Variants in COL26A1 observed in about 807,000 individuals in gnomAD.
The protein encoded by COL26A1 is collagen alpha-1(XXVI) chain.
In COL26A1, 41 loss-of-function variants were observed where a neutral mutation model predicts 59.3. The observed-to-expected ratio is 0.69, with a 90% confidence interval of 0.54 to 0.90. COL26A1 has a LOEUF of 0.90. Among genes scored for constraint, COL26A1 ranks in the 40% least tolerant of loss-of-function variants. The pLI is 0.00. For synonymous variants in COL26A1, 266 were observed against 256.0 expected (o/e 1.04, Z -0.37); for missense variants, 612 against 602.3 (o/e 1.02, Z -0.17).
chr7:101,387,208 C>T (rs536781303), intron 1 of COL26A1, among the ~76,000 whole-genome samples: 1 of 151,988 alleles, frequency 6.6e-6, no homozygotes, highest in South Asian at 2.1e-4. Flanking sequence ...GAAACCGGCA[C>T]GAGATGATCT....
At chr7:101,401,475 A>G (rs1006546511) in intron 1 of COL26A1, among the ~76,000 whole-genome samples, 38 of 151,610 alleles carry the variant, frequency 2.5e-4, no homozygotes, top group African/African-American at 9.2e-4. Flanking sequence ...GAGAAGGAGG[A>G]GGAGGAAAAG....
rs3073377 is a variant in COL26A1 at position 101,520,633 on chromosome 7, T to TACACACAC, written c.386-12426_386-12419dup. On this transcript the variant is annotated intron_variant, in intron 3 of 12. Coordinates refer to ENST00000313669, the MANE Select transcript of COL26A1 (RefSeq NM_001278563.3). ...AGGTTGACAGACAAGCACAGACACA[T>TACACACAC]ACACACACACACACACACACACACA... 1.2e-3 allele frequency among the ~76,000 whole-genome samples: 168 copies of TACACACAC among 137,288 alleles called. 2 individuals carry two copies. The highest frequency in any genetic ancestry group is 4.3e-3 in the African/African-American group (135 of 31,704). The allele number at this position is 137,288 out of a possible 152,430, so 90.1% of individuals were successfully genotyped here.
At position 101,545,469 on chromosome 7, in the gene COL26A1, C is replaced by G; in HGVS notation, c.835C>G (p.Gln279Glu). ...CCCCCAGGGCGCCCTCTACTCCCTGCAGCCGCCTACAGACAAAGACAGTGA... is the reference window on the plus strand; with the variant it reads ...CCCCCAGGGCGCCCTCTACTCCCTGGAGCCGCCTACAGACAAAGACAGTGA... The part of the protein sequence containing the change: ...NSPQGALYSL[Q>E]PPTDKDNGDS... The change falls in exon 7 of 13, where the codon CAG becomes GAG. Residue 279 changes from glutamine to glutamate, a missense_variant. Physicochemically the swap from Gln to Glu is conservative, Grantham distance 29 (BLOSUM62 2). Coordinates refer to ENST00000313669, the MANE Select transcript of COL26A1 (RefSeq NM_001278563.3). The G allele has an allele frequency of 2.5e-6, 4 of 1,607,126 alleles. No individual in the cohort carries two copies. Among genetic ancestry groups the G allele is most frequent in the Non-Finnish European group, 3.4e-6 (4 of 1,177,442 alleles).
intron 4 of COL26A1, among the ~76,000 whole-genome samples, chr7:101,538,411 C>T (rs1795529159): frequency 6.6e-6 from 1 of 152,228 alleles, no homozygotes; most frequent in Admixed American, 6.5e-5. Flanking sequence ...CCACTAGGGG[C>T]CCCGGCCTCA....
At chr7:101,488,054 C>T (rs1257463473) in intron 3 of COL26A1, among the ~76,000 whole-genome samples, 1 of 151,620 alleles carries the variant, frequency 6.6e-6, no homozygotes, top group Non-Finnish European at 1.5e-5. Flanking sequence ...AGGCAGATCA[C>T]GTGAGGTCAG....
At chr7:101,394,639 T>G (rs566745786) in intron 1 of COL26A1, among the ~76,000 whole-genome samples, 2 of 142,196 alleles carry the variant, frequency 1.4e-5, no homozygotes, top group South Asian at 4.6e-4. Context: ...CTCAGGCTGG[T>G]CTTGAACTCC....
intron 10 of COL26A1, among the ~76,000 whole-genome samples, chr7:101,551,671 C>T (rs1000554673): frequency 6.6e-6 from 1 of 151,740 alleles, no homozygotes; most frequent in South Asian, 2.1e-4. Flanking sequence ...TGCTTGAACC[C>T]GGAGGCAGAG....
At chr7:101,415,208 C>A (rs10441302) in intron 1 of COL26A1, among the ~76,000 whole-genome samples, 15,605 of 149,864 alleles carry the variant, frequency 0.1, 1,209 homozygotes, top group African/African-American at 0.22. Context: ...GCTGGAGTGC[C>A]GTGGTGCGAT....
intron 3 of COL26A1, among the ~76,000 whole-genome samples, chr7:101,511,247 A>G (rs1007094677): frequency 3.9e-5 from 6 of 152,210 alleles, no homozygotes; most frequent in African/African-American, 1.2e-4. Context: ...TCAAGTCGAC[A>G]TCAGGTGGTG....
intron 3 of COL26A1, among the ~76,000 whole-genome samples, chr7:101,457,108 G>A (rs563029524): frequency 1.6e-4 from 25 of 152,256 alleles, no homozygotes; most frequent in African/African-American, 5.8e-4. Flanking sequence ...AATGGGTGCT[G>A]CTTACTGTTT....
At chr7:101,492,709 AATAAATAAAT>A in intron 3 of COL26A1, among the ~76,000 whole-genome samples, 1 of 43,838 alleles carries the variant, frequency 2.3e-5, no homozygotes, top group African/African-American at 2.8e-4. Flanking sequence ...AAAATAAATA[AATAAATAAAT>A]AAATAAATAA....
intron 1 of COL26A1, among the ~76,000 whole-genome samples, chr7:101,385,502 C>A (rs35345153): frequency 0.16 from 24,725 of 151,248 alleles, 2,133 homozygotes; most frequent in South Asian, 0.19. Context: ...TCCTGAGTAG[C>A]TGGGATCACA....
At chr7:101,472,797 T>A (rs114696182) in intron 3 of COL26A1, among the ~76,000 whole-genome samples, 1,128 of 46,642 alleles carry the variant, frequency 0.024, 11 homozygotes, top group African/African-American at 0.091. Flanking sequence ...CCAGTCGAAG[T>A]GTTGTGGGGC....
chr7:101,485,900 C>T (rs1166351120), intron 3 of COL26A1, among the ~76,000 whole-genome samples: 1 of 152,040 alleles, frequency 6.6e-6, no homozygotes, highest in Non-Finnish European at 1.5e-5. Flanking sequence ...AGCCCGGGCA[C>T]GATGGCTCAC....
In COL26A1 at chr7:101,397,045, G is replaced by A. The variant is rs200922254; in HGVS notation, c.159-22932G>A. The stretch of plus-strand genomic sequence containing the variant: ...CCAAAGCATGGGATGGAGAGACATG[G>A]CCAAAGGTGAGGCTTTGGGAACAAA... On this transcript the variant is annotated intron_variant, in intron 1 of 12. Transcript: ENST00000313669. Among the ~76,000 whole-genome samples, 5 of 152,234 alleles carry A rather than the reference G, an allele frequency of 3.3e-5. No homozygotes were observed. In the East Asian group the frequency reaches 9.7e-4, roughly 29 times the overall value.
intron 1 of COL26A1, among the ~76,000 whole-genome samples, chr7:101,396,809 G>A (rs1791865958): frequency 6.6e-6 from 1 of 152,180 alleles, no homozygotes; most frequent in African/African-American, 2.4e-5. Flanking sequence ...CAGAATCCCA[G>A]GCTTGGGGAC....
intron 3 of COL26A1, among the ~76,000 whole-genome samples, chr7:101,487,107 G>A (rs1447790029): frequency 1.3e-5 from 2 of 152,128 alleles, no homozygotes. Context: ...GGGAGGAGGG[G>A]GCACAGATAT....
At chr7:101,442,796 CTGTGAG>C (rs950911689) in intron 2 of COL26A1, among the ~76,000 whole-genome samples, 1 of 152,026 alleles carries the variant, frequency 6.6e-6, no homozygotes, top group Non-Finnish European at 1.5e-5. Flanking sequence ...AAGTGTGTGA[CTGTGAG>C]TGTGCATGAG....
intron 3 of COL26A1, among the ~76,000 whole-genome samples, chr7:101,475,754 TTTTCTTTCTTTCTCTTTCTTTC>T (rs1192033529): frequency 1.4e-5 from 2 of 142,504 alleles, no homozygotes; most frequent in Admixed American, 1.4e-4. Flanking sequence ...CTTCCTTCCT[TTTTCTTTCTTTCTCTTTCTTTC>T]TTTCTTTCTT....
Sources: gnomAD v4.1 joint callset for allele counts (sites outside exome capture counted in the v4.1 genomes callset) on GRCh38, gnomAD v4.1.1 for gene constraint, MANE v1.5 for transcripts, NCBI Gene and HGNC (gene_info 2026-07-23, HGNC 2026-07-21) for gene names.